The following LGR6 variants were observed in gnomAD, a reference collection of about 807,000 sequenced individuals.
The protein encoded by LGR6 is leucine rich repeat containing G protein-coupled receptor 6.
Under a neutral mutation model 69.4 loss-of-function variants are expected in LGR6, and 45 were observed. The ratio of observed to expected loss-of-function variants is 0.65; its 90% CI spans 0.51 to 0.83. LGR6 has a LOEUF of 0.83. Ranked by LOEUF, LGR6 falls within the 40% of genes least tolerant of loss-of-function variation. The pLI, the probability that LGR6 is intolerant of heterozygous loss-of-function variation, is 0.00. For missense variants in LGR6, 1,108 were observed against 1,246.7 expected, an observed-to-expected ratio of 0.89 and a Z score of 1.68; for synonymous variants, 538 against 555.0, an observed-to-expected ratio of 0.97 and a Z score of 0.43.
At chr1:202,305,379 G>T (rs756069870) in intron 11 of LGR6, among the ~76,000 whole-genome samples, 2 of 152,154 alleles carry the variant, frequency 1.3e-5, no homozygotes, top group Admixed American at 6.5e-5. Flanking sequence ...TTCTCTGCTG[G>T]CTGGCTCAGT....
At chr1:202,305,653 A>C (rs1465526731) in intron 11 of LGR6, 31 bp from the exon 12 acceptor site, 1 of 1,605,614 alleles carries the variant, frequency 6.2e-7, no homozygotes, top group Non-Finnish European at 8.5e-7. Flanking sequence ...CCACCATTTC[A>C]CCCCAGCCCT....
rs1393884676 is a variant in LGR6 at position 202,214,064 on chromosome 1, T to C, written c.213-11359T>C. On this transcript the variant is annotated intron_variant, in intron 1 of 17. Coordinates refer to ENST00000367278, the MANE Select transcript of LGR6 (RefSeq NM_001017403.2). Reference sequence around the variant, plus strand: ...GGGGCGCTATCCAGAGGGAAGGGCATACGAGAGAAGCGGCAGAACGAGAGA... The same window carrying C: ...GGGGCGCTATCCAGAGGGAAGGGCACACGAGAGAAGCGGCAGAACGAGAGA... 7 of 1,364,828 alleles carry C rather than the reference T, an allele frequency of 5.1e-6. No homozygotes were observed. In the East Asian group the frequency reaches 1.5e-4, roughly 30 times the overall value. The allele number at this position is 1,364,828 out of a possible 1,614,324, so 84.5% of individuals were successfully genotyped here.
chr1:202,267,963 C>T (rs1364217718), intron 4 of LGR6, among the ~76,000 whole-genome samples: 2 of 152,118 alleles, frequency 1.3e-5, no homozygotes, highest in Non-Finnish European at 2.9e-5. Flanking sequence ...GATGTGGGGG[C>T]AGTAGGGCTT....
chr1:202,221,892 C>T (rs2147942287), intron 1 of LGR6, among the ~76,000 whole-genome samples: 1 of 152,326 alleles, frequency 6.6e-6, no homozygotes, highest in East Asian at 1.9e-4. Context: ...CTGAGTTGCA[C>T]AAAAAACCAG....
intron 12 of LGR6, among the ~76,000 whole-genome samples, chr1:202,306,505 C>T (rs1653203434): frequency 6.6e-6 from 1 of 152,166 alleles, no homozygotes; most frequent in East Asian, 1.9e-4. Context: ...TTCCCAGTTC[C>T]GGCCAGTCAC....
chr1:202,205,290 CACCTCCTTCA>C (rs1429490803), intron 1 of LGR6, among the ~76,000 whole-genome samples: 2 of 14,534 alleles, frequency 1.4e-4, no homozygotes, highest in Non-Finnish European at 2.1e-4. Context: ...ACCTAACACA[CACCTCCTTCA>C]AGCACACACA....
intron 4 of LGR6, among the ~76,000 whole-genome samples, chr1:202,253,228 C>T (rs967230412): frequency 1.3e-5 from 2 of 152,038 alleles, no homozygotes; most frequent in Non-Finnish European, 2.9e-5. Flanking sequence ...GTTTTGAAGA[C>T]TCATGAGATG....
chr1:202,306,798 T>C, intron 12 of LGR6, 70 bp from the exon 13 acceptor site: 1 of 1,405,006 alleles, frequency 7.1e-7, no homozygotes, highest in South Asian at 1.2e-5. Flanking sequence ...TTCCTCCCAG[T>C]GCTCGGGGGG....
rs771779720 is a variant in LGR6 at position 202,305,642 on chromosome 1, G to A, written c.1071-42G>A. 12 of 1,573,360 alleles carry A rather than the reference G, an allele frequency of 7.6e-6. No homozygotes were observed. The Admixed American group carries it at 1.5e-4, about 20-fold the overall frequency. ...CCCGTCCCCGAGCAGCCCTCAGATA[G>A]CCACCATTTCACCCCAGCCCTGGCC... On this transcript the variant is annotated intron_variant, in intron 11 of 17. Coordinates refer to ENST00000367278, the MANE Select transcript of LGR6 (RefSeq NM_001017403.2).
chr1:202,223,443 T>C (rs770978241), intron 1 of LGR6, among the ~76,000 whole-genome samples: 5 of 152,154 alleles, frequency 3.3e-5, no homozygotes, highest in Non-Finnish European at 7.3e-5. Flanking sequence ...CCAGCCTGCC[T>C]TTCTGGGCAC....
At chr1:202,280,106 A>G (rs1175674129) in intron 5 of LGR6, among the ~76,000 whole-genome samples, 1 of 151,844 alleles carries the variant, frequency 6.6e-6, no homozygotes, top group Non-Finnish European at 1.5e-5. Flanking sequence ...CATAATTTCC[A>G]TGTAATGTTG....
At chr1:202,300,038 G>A (rs574168211) in intron 7 of LGR6, among the ~76,000 whole-genome samples, 23 of 152,120 alleles carry the variant, frequency 1.5e-4, no homozygotes, top group Non-Finnish European at 3.1e-4. Context: ...CCCTGGCTGC[G>A]TGCTGTTGAC....
chr1:202,266,005 G>C (rs1044658884), intron 4 of LGR6, among the ~76,000 whole-genome samples: 1 of 151,708 alleles, frequency 6.6e-6, no homozygotes, highest in Non-Finnish European at 1.5e-5. Flanking sequence ...TCATCTCTCT[G>C]GTCCAAAGCT....
At chr1:202,221,759 A>G (rs1369980365) in intron 1 of LGR6, among the ~76,000 whole-genome samples, 1 of 152,196 alleles carries the variant, frequency 6.6e-6, no homozygotes, top group East Asian at 1.9e-4. Context: ...CTTCTTGTAC[A>G]TGTCTACAAG....
intron 5 of LGR6, 144 bp from the exon 6 acceptor site, chr1:202,280,637 G>A: frequency 1.3e-6 from 1 of 768,796 alleles, no homozygotes; most frequent in South Asian, 1.5e-5. Flanking sequence ...CAGTCAGTTT[G>A]TTCCTGGAAA....
chr1:202,216,130 T>C (rs1374554351), intron 1 of LGR6, among the ~76,000 whole-genome samples: 1 of 152,210 alleles, frequency 6.6e-6, no homozygotes, highest in Non-Finnish European at 1.5e-5. Flanking sequence ...AAATGTTGAA[T>C]AGACAAATGG....
intron 1 of LGR6, among the ~76,000 whole-genome samples, chr1:202,216,076 C>T (rs1224826580): frequency 6.6e-6 from 1 of 152,198 alleles, no homozygotes; most frequent in Non-Finnish European, 1.5e-5. Context: ...GACTTTGCCG[C>T]TTCGTCACCT....
intron 4 of LGR6, 154 bp from the exon 5 acceptor site, chr1:202,276,152 G>A: frequency 4.9e-6 from 3 of 607,154 alleles, no homozygotes; most frequent in Non-Finnish European, 5.9e-6. Flanking sequence ...GGAACTCGAA[G>A]AGGCGGGATA....
intron 1 of LGR6, among the ~76,000 whole-genome samples, chr1:202,200,016 G>A (rs55794107): frequency 6.6e-6 from 1 of 152,256 alleles, no homozygotes; most frequent in Non-Finnish European, 1.5e-5. Context: ...TAGGATGGCA[G>A]AGTCTCATCT....
Sources: allele counts gnomAD v4.1 joint callset (sites outside exome capture counted in the v4.1 genomes callset), GRCh38; gene constraint gnomAD v4.1.1; transcripts MANE v1.5; gene names NCBI Gene and HGNC (gene_info 2026-07-23, HGNC 2026-07-21).